Variants in GBE1 observed in about 807,000 individuals in gnomAD.
The protein encoded by GBE1 is 1,4-alpha-glucan-branching enzyme.
Under a neutral mutation model 88.8 loss-of-function variants are expected in GBE1, and 70 were observed. The observed-to-expected ratio is 0.79, with a 90% CI of 0.65 to 0.96. The LOEUF (loss-of-function observed/expected upper bound fraction) is 0.96, where lower values mean the gene tolerates loss of function less well. Among genes scored for constraint, GBE1 ranks in the 40% least tolerant of loss-of-function variants. The pLI, the probability that GBE1 is intolerant of heterozygous loss-of-function variation, is 0.00. For synonymous variants in GBE1, 284 were observed against 300.1 expected, an observed-to-expected ratio of 0.95 and a Z score of 0.56; for missense variants, 872 against 871.0, an observed-to-expected ratio of 1.00 and a Z score of -0.01.
chr3:81,603,962 T>G (rs1205945138), intron 7 of GBE1, among the ~76,000 whole-genome samples: 1 of 151,894 alleles, frequency 6.6e-6, no homozygotes, highest in Non-Finnish European at 1.5e-5. Context: ...CTGAAAAAAA[T>G]GACATCCACA....
intron 14 of GBE1, among the ~76,000 whole-genome samples, chr3:81,519,654 A>G (rs539670033): frequency 1.1e-4 from 16 of 151,352 alleles, no homozygotes; most frequent in Admixed American, 3.3e-4. Flanking sequence ...TTTAACTCTG[A>G]AAATAGAACC....
At chr3:81,551,599 C>G (rs1691895611) in intron 12 of GBE1, among the ~76,000 whole-genome samples, 1 of 152,198 alleles carries the variant, frequency 6.6e-6, no homozygotes, top group Non-Finnish European at 1.5e-5. Flanking sequence ...CCCCTCCCCA[C>G]TTCCAGTTGT....
chr3:81,681,377 C>G (rs1027472584), intron 2 of GBE1, among the ~76,000 whole-genome samples: 2 of 152,268 alleles, frequency 1.3e-5, no homozygotes, highest in African/African-American at 4.8e-5. Context: ...TTAACTGATT[C>G]ATCACTTCCT....
intron 1 of GBE1, among the ~76,000 whole-genome samples, chr3:81,750,933 C>T (rs930218071): frequency 1.3e-4 from 20 of 151,408 alleles, no homozygotes; most frequent in Non-Finnish European, 2.8e-4. Flanking sequence ...CCACCTCAGC[C>T]TCCAAAAGTG....
In GBE1 at chr3:81,658,962, CAT is replaced by C. The variant is rs569060859; in HGVS notation, c.430-9043_430-9042del. 3.4e-3 allele frequency among the ~76,000 whole-genome samples: 520 copies of C among 152,076 alleles called. 2 individuals are homozygous for C. Among genetic ancestry groups the C allele is most frequent in the African/African-American group, 0.012 (500 of 41,490 alleles). On this transcript the variant is annotated intron_variant, in intron 3 of 15. Transcript: ENST00000429644. ...TAGACTAGAAAACAAATGAATTACA[CAT>C]GATACAAAAATATGGGATTTAAACA...
chr3:81,759,283 G>A (rs896270760), intron 1 of GBE1, among the ~76,000 whole-genome samples: 23 of 152,310 alleles, frequency 1.5e-4, no homozygotes, highest in African/African-American at 5.5e-4. Context: ...TGTTGGGGAA[G>A]GATGAGACAG....
At chr3:81,694,182 G>C (rs931255663) in intron 2 of GBE1, among the ~76,000 whole-genome samples, 3 of 151,954 alleles carry the variant, frequency 2.0e-5, no homozygotes, top group Admixed American at 6.6e-5. Context: ...ATGAGGGAAG[G>C]GGGGAGAAAA....
At chr3:81,644,277 A>G (rs1407104114) in intron 6 of GBE1, among the ~76,000 whole-genome samples, 1 of 152,198 alleles carries the variant, frequency 6.6e-6, no homozygotes, top group Non-Finnish European at 1.5e-5. Context: ...AAAACAAAGA[A>G]AAGCCACTGG....
chr3:81,545,303 T>A (rs1372692082), intron 12 of GBE1, among the ~76,000 whole-genome samples: 1 of 152,110 alleles, frequency 6.6e-6, no homozygotes, highest in African/African-American at 2.4e-5. Context: ...AGGGGCCACA[T>A]CTAATGTTTC....
chr3:81,519,164 A>G (rs1702838780), intron 14 of GBE1, among the ~76,000 whole-genome samples: 1 of 151,620 alleles, frequency 6.6e-6, no homozygotes, highest in Non-Finnish European at 1.5e-5. Context: ...CAGCAATCAC[A>G]CTGCAGTAAA....
intron 6 of GBE1, 94 bp downstream of exon 6, chr3:81,646,298 G>A: frequency 1.2e-6 from 1 of 810,192 alleles, no homozygotes. Context: ...ACCCTAAAAG[G>A]TTACACGATG....
In GBE1 at chr3:81,761,394, C is replaced by T; in HGVS notation, c.124G>A (p.Ala42Thr). 2 of 1,612,470 alleles carry T rather than the reference C, an allele frequency of 1.2e-6. No homozygotes were observed. The highest frequency in any genetic ancestry group is 8.5e-7 in the Non-Finnish European group (1 of 1,179,054). ...CGGTACCTGCGCTGGAAGTCCACGG[C>T]GTAGGGCTTCAAGTACGGGTCGATC... Reference protein sequence around the residue: ...LEIDPYLKPYAVDFQRRYKQF... With the variant: ...LEIDPYLKPYTVDFQRRYKQF... Residue 42 changes from alanine to threonine, a missense_variant, in exon 1 of 16, where the codon GCC (alanine) becomes ACC (threonine). Ala to Thr is a moderately conservative substitution (Grantham distance 58). Transcript: ENST00000429644.
At chr3:81,574,820 A>T (rs781774406) in intron 12 of GBE1, among the ~76,000 whole-genome samples, 13 of 152,190 alleles carry the variant, frequency 8.5e-5, no homozygotes, top group Non-Finnish European at 1.8e-4. Context: ...TATAAAAAAT[A>T]AAAAGGAAAT....
intron 3 of GBE1, among the ~76,000 whole-genome samples, chr3:81,661,508 G>C (rs181634699): frequency 6.6e-6 from 1 of 152,166 alleles, no homozygotes; most frequent in African/African-American, 2.4e-5. Context: ...ATACTCCGAC[G>C]TGCCTGGAAT....
At chr3:81,723,518 T>C (rs1234298346) in intron 1 of GBE1, among the ~76,000 whole-genome samples, 1 of 152,180 alleles carries the variant, frequency 6.6e-6, no homozygotes, top group Non-Finnish European at 1.5e-5. Flanking sequence ...TAGATTTTTT[T>C]CTTAAAAAGA....
intron 12 of GBE1, among the ~76,000 whole-genome samples, chr3:81,573,768 T>C (rs59994197): frequency 0.27 from 33,513 of 125,852 alleles, 3,906 homozygotes; most frequent in East Asian, 0.51. Flanking sequence ...TCTCTCTCTC[T>C]CTCTCTCTGT....
chr3:81,700,233 T>A (rs1705666884), intron 2 of GBE1, among the ~76,000 whole-genome samples: 1 of 152,126 alleles, frequency 6.6e-6, no homozygotes, highest in Non-Finnish European at 1.5e-5. Flanking sequence ...CAAAAAAGAT[T>A]AGATGAAGAA....
chr3:81,670,993 G>C (rs1368042210), intron 2 of GBE1, 40 bp from the exon 3 acceptor site: 6 of 873,132 alleles, frequency 6.9e-6, no homozygotes, highest in Non-Finnish European at 1.0e-5. Flanking sequence ...CAGCATGATA[G>C]GACTAATAGT....
chr3:81,750,099 A>G (rs1047820011), intron 1 of GBE1, among the ~76,000 whole-genome samples: 1 of 140,278 alleles, frequency 7.1e-6, no homozygotes, highest in African/African-American at 2.6e-5. Context: ...CAAAAATAAC[A>G]CTGCCAATCA....
Sources: gnomAD v4.1 joint callset for allele counts (sites outside exome capture counted in the v4.1 genomes callset) on GRCh38, gnomAD v4.1.1 for gene constraint, MANE v1.5 for transcripts, NCBI Gene and HGNC (gene_info 2026-07-23, HGNC 2026-07-21) for gene names.